The following ATXN7 variants were observed in gnomAD, a reference collection of about 807,000 sequenced individuals.
ATXN7 encodes ataxin 7, also known as ataxin-7.
Under a neutral mutation model 70.5 loss-of-function variants are expected in ATXN7, and 12 were observed. The observed-to-expected ratio is 0.17, with a 90% CI of 0.11 to 0.28. The LOEUF (loss-of-function observed/expected upper bound fraction) is 0.28. Among genes scored for constraint, ATXN7 ranks in the 10% least tolerant of loss-of-function variants. ATXN7 has a pLI of 1.00. For synonymous variants in ATXN7, 498 were observed against 448.7 expected, an observed-to-expected ratio of 1.11 and a Z score of -1.39; for missense variants, 1,256 against 1,131.7, an observed-to-expected ratio of 1.11 and a Z score of -1.58.
At chr3:63,865,367 C>G (rs1179930407) in intron 1 of ATXN7, 1 of 152,176 alleles carries the variant, frequency 6.6e-6, no homozygotes, top group African/African-American at 2.4e-5. Flanking sequence ...TGAGATGTGA[C>G]TTGCTCTCCC....
At chr3:63,896,189 C>T (rs1490345503) in intron 1 of ATXN7, among the ~76,000 whole-genome samples, 3 of 148,400 alleles carry the variant, frequency 2.0e-5, no homozygotes, top group African/African-American at 7.3e-5. Flanking sequence ...CTTCTATAAT[C>T]TCCCTCCCCC....
intron 4 of ATXN7, among the ~76,000 whole-genome samples, chr3:63,948,076 C>G (rs1271369412): frequency 6.6e-6 from 1 of 152,110 alleles, no homozygotes; most frequent in Admixed American, 6.5e-5. Flanking sequence ...AAGAATCACT[C>G]TGGCAGCCTT....
At position 63,863,957 on chromosome 3, in the gene ATXN7, CCGCCGCCGCCGCCGCCGCCG is replaced by C. The variant is rs1559612709; in HGVS notation, c.-309_-290del. On this transcript the variant is annotated 5_prime_UTR_variant, in exon 1 of 13. The change creates a premature stop within an existing upstream ORF in the 5' untranslated region. Coordinates refer to ENST00000674280, the MANE Select transcript of ATXN7 (RefSeq NM_001377405.1). Reference sequence around the variant, plus strand: ...GCCTGAGCCGCGCCGCGCCGCGCCGCCGCCGCCGCCGCCGCCGCCGCGGGACCCGCGCTCCCCGCGCTCCC... The same window carrying C: ...GCCTGAGCCGCGCCGCGCCGCGCCGCCGGGACCCGCGCTCCCCGCGCTCCC... 12 of 84,784 alleles carry C rather than the reference CCGCCGCCGCCGCCGCCGCCG, an allele frequency of 1.4e-4. No homozygotes were observed. The highest frequency in any genetic ancestry group is 2.6e-4 in the Non-Finnish European group (12 of 45,422). 5.3% of individuals were successfully genotyped at this position (84,784 alleles called of 1,614,324 possible). A position where few individuals can be genotyped will look rare whatever the true frequency, so the allele number is the denominator to read the frequency against.
At chr3:63,977,430 G>A (rs570917717) in intron 5 of ATXN7, among the ~76,000 whole-genome samples, 1 of 152,114 alleles carries the variant, frequency 6.6e-6, no homozygotes, top group Non-Finnish European at 1.5e-5. Context: ...TTAAAAGTCA[G>A]AGTTCTAGTT....
chr3:63,946,005 C>G (rs2074852633), intron 4 of ATXN7, among the ~76,000 whole-genome samples: 3 of 152,156 alleles, frequency 2.0e-5, no homozygotes, highest in Admixed American at 1.3e-4. Context: ...TGGGCTAGGT[C>G]AGGGATCATT....
At chr3:63,929,963 T>C (rs1403196694) in intron 4 of ATXN7, among the ~76,000 whole-genome samples, 1 of 152,032 alleles carries the variant, frequency 6.6e-6, no homozygotes, top group Non-Finnish European at 1.5e-5. Flanking sequence ...GACTGACAAG[T>C]AGTGGAGAGA....
chr3:63,965,808 G>T (rs1198381355), intron 5 of ATXN7, among the ~76,000 whole-genome samples: 1 of 152,158 alleles, frequency 6.6e-6, no homozygotes, highest in Non-Finnish European at 1.5e-5. Context: ...CATTAAGGGG[G>T]CACATGTGAG....
chr3:63,953,191 A>C (rs941116739), intron 5 of ATXN7, among the ~76,000 whole-genome samples: 21 of 152,212 alleles, frequency 1.4e-4, no homozygotes, highest in Non-Finnish European at 1.9e-4. Context: ...TACTACTACA[A>C]ATGCAAGCTT....
At chr3:63,980,288 A>G in intron 6 of ATXN7, 121 bp downstream of exon 6, 2 of 1,331,476 alleles carry the variant, frequency 1.5e-6, no homozygotes. Flanking sequence ...AAGAATTCAA[A>G]TGTATGTTGT....
At chr3:63,918,296 A>G (rs946522980) in intron 4 of ATXN7, among the ~76,000 whole-genome samples, 1 of 152,212 alleles carries the variant, frequency 6.6e-6, no homozygotes, top group African/African-American at 2.4e-5. Flanking sequence ...AAAATGGTTC[A>G]TGGTTAATTA....
intron 6 of ATXN7, among the ~76,000 whole-genome samples, chr3:63,981,607 C>T (rs1262874036): frequency 6.6e-6 from 1 of 152,184 alleles, no homozygotes; most frequent in Non-Finnish European, 1.5e-5. Context: ...TTTTCAAGGA[C>T]TGGAGAATTA....
At chr3:63,983,044 A>G (rs535054469) in intron 8 of ATXN7, 23 bp downstream of exon 8, 3 of 1,590,008 alleles carry the variant, frequency 1.9e-6, no homozygotes, top group Non-Finnish European at 2.6e-6. Flanking sequence ...CTGAAAGTCA[A>G]GTCGACCATC....
At chr3:63,920,785 T>C (rs1275430338) in intron 4 of ATXN7, among the ~76,000 whole-genome samples, 1 of 152,128 alleles carries the variant, frequency 6.6e-6, no homozygotes, top group Non-Finnish European at 1.5e-5. Flanking sequence ...AACACAATCA[T>C]CTGGGATTTG....
chr3:63,899,386 T>C (rs988436157), intron 2 of ATXN7, among the ~76,000 whole-genome samples: 1 of 152,088 alleles, frequency 6.6e-6, no homozygotes. Context: ...TCTCACTGCA[T>C]GTCCACCATT....
At chr3:63,930,854 C>T (rs1346802155) in intron 4 of ATXN7, among the ~76,000 whole-genome samples, 1 of 151,918 alleles carries the variant, frequency 6.6e-6, no homozygotes. Context: ...TTAATGGATT[C>T]GAATGTATCT....
At position 63,863,876 on chromosome 3, in the gene ATXN7, C is replaced by T; in HGVS notation, c.-393C>T. The T allele has an allele frequency of 4.2e-6, 5 of 1,190,438 alleles. No homozygotes were observed. The highest frequency in any genetic ancestry group is 5.2e-6 in the Non-Finnish European group (5 of 967,610). The allele number at this position is 1,190,438 out of a possible 1,614,324, so 73.7% of individuals were successfully genotyped here. A position where few individuals can be genotyped will look rare whatever the true frequency, so the allele number is the denominator to read the frequency against. On this transcript the variant is annotated 5_prime_UTR_variant, in exon 1 of 13. Coordinates refer to ENST00000674280, the MANE Select transcript of ATXN7 (RefSeq NM_001377405.1). ...CGGAGGTCAAACTCCCACAATGCAG[C>T]CGGGTAAACAGCCATGGAGGAGGAG...
At chr3:63,982,693 G>T (rs1198009547) in intron 7 of ATXN7, among the ~76,000 whole-genome samples, 2 of 151,138 alleles carry the variant, frequency 1.3e-5, no homozygotes, top group Non-Finnish European at 2.9e-5. Context: ...GTGTATTTCT[G>T]AAGGAAGTAA....
rs766688948 is a variant in ATXN7, at chr3:63,996,428, A to C, written c.2606A>C (p.His869Pro). The change falls in exon 12 of 13, where the codon CAC becomes CCC. Residue 869 changes from histidine (H) to proline (P), a missense_variant. Physicochemically the swap from His to Pro is moderately conservative, Grantham distance 77 (BLOSUM62 -2). Coordinates refer to ENST00000674280, the MANE Select transcript of ATXN7 (RefSeq NM_001377405.1). ...VPAVNNVHMKHTGTIPGAQGL... is the reference protein window; with the variant it reads ...VPAVNNVHMKPTGTIPGAQGL... ...GCCGTGAACAATGTCCACATGAAAC[A>C]CACAGGCACCATCCCAGGGGCACAA... The C allele has an allele frequency of 6.2e-7, 1 of 1,614,174 alleles. No individual in the cohort carries two copies. Among genetic ancestry groups the C allele is most frequent in the South Asian group, 1.1e-5 (1 of 91,084 alleles).
chr3:63,952,404 A>G lies in ATXN7; in HGVS notation c.420A>G (p.Pro140=), dbSNP rs1244694418. The change falls in exon 5 of 13, where the codon CCA becomes CCG. Residue 140 remains proline, a synonymous_variant. Transcript: ENST00000674280. ...REDMPIFGFC[P]AHDDFYLVVC... The stretch of plus-strand genomic sequence containing the variant: ...ACATGCCAATATTTGGTTTCTGTCC[A>G]GCCCATGATGATTTCTACTTGGTGG... The G allele has an allele frequency of 6.2e-7, 1 of 1,611,508 alleles. No individual in the cohort carries two copies. Among genetic ancestry groups the G allele is most frequent in the South Asian group, 1.1e-5 (1 of 90,626 alleles).
Sources: allele counts gnomAD v4.1 joint callset (sites outside exome capture counted in the v4.1 genomes callset), GRCh38; gene constraint gnomAD v4.1.1; transcripts MANE v1.5; gene names NCBI Gene and HGNC (gene_info 2026-07-23, HGNC 2026-07-21).